GGT1: variants seen among roughly 807,000 people sequenced by gnomAD.
The protein encoded by GGT1 is glutathione hydrolase 1 proenzyme.
A neutral mutation model predicts 56.0 loss-of-function variants in GGT1; 21 were observed. That is an observed-to-expected ratio of 0.38 (90% CI 0.27 to 0.54). The LOEUF (loss-of-function observed/expected upper bound fraction) is 0.54. Among genes scored for constraint, GGT1 ranks in the 20% least tolerant of loss-of-function variants. The pLI is 0.82. For missense variants in GGT1, 466 were observed against 787.0 expected (o/e 0.59, Z 4.88); for synonymous variants, 238 against 342.6 (o/e 0.69, Z 3.37).
chr22:24,605,489 ATAT>A lies in GGT1; in HGVS notation c.-429+1966_-429+1968del, dbSNP rs1251518295. On this transcript the variant is annotated intron_variant, in intron 1 of 15. Coordinates refer to ENST00000400382, the MANE Select transcript of GGT1 (RefSeq NM_001288833.2). ...TATAATATTATATAATGTGTATTAT[ATAT>A]TATATAATATTATATAATGTGTATT... Among the ~76,000 whole-genome samples the A allele has an allele frequency of 1.6e-3, 103 of 65,836 alleles. 27 individuals are homozygous for A. The highest frequency in any genetic ancestry group is 0.011 in the African/African-American group (100 of 8,746). The allele number at this position is 65,836 out of a possible 152,430, so 43.2% of individuals were successfully genotyped here.
At chr22:24,586,291 C>T in the GGT1 span, 1 of 1,614,014 alleles carries the variant, frequency 6.2e-7, no homozygotes, top group African/African-American at 1.3e-5. Context: ...GCACCGCCAG[C>T]ACAGCACCAT....
intron 4 of GGT1, 142 bp from the exon 5 acceptor site, chr22:24,610,933 C>T (rs1180620198): frequency 4.2e-5 from 29 of 685,522 alleles, no homozygotes; most frequent in Non-Finnish European, 6.9e-5. Context: ...GGGGGCCGGA[C>T]AGCCTGCACG....
At position 24,623,327 on chromosome 22, in the gene GGT1, C is replaced by G. The variant is rs62231220; in HGVS notation, c.883+71C>G. ...CTCTCTCTCCCCACGCCCCACCCCT[C>G]CTGCATCTCTGCTCGCCCCCCATGC... On this transcript the variant is annotated intron_variant, in intron 10 of 15. Transcript: ENST00000400382. The G allele has an allele frequency of 2.1e-6, 3 of 1,429,540 alleles. No individual in the cohort carries two copies. In the African/African-American group the frequency reaches 4.4e-5, roughly 21 times the overall value. The allele number at this position is 1,429,540 out of a possible 1,614,324, so 88.6% of individuals were successfully genotyped here. A position where few individuals can be genotyped will look rare whatever the true frequency, so the allele number is the denominator to read the frequency against.
chr22:24,612,592 T>C (rs2046789811), intron 5 of GGT1, among the ~76,000 whole-genome samples: 1 of 151,970 alleles, frequency 6.6e-6, no homozygotes, highest in Non-Finnish European at 1.5e-5. Context: ...AGTGGCGCAA[T>C]CTCGGCTCGC....
the GGT1 span, chr22:24,589,027 C>G: frequency 2.9e-6 from 3 of 1,021,896 alleles, no homozygotes; most frequent in Non-Finnish European, 3.5e-6. Flanking sequence ...ACAGCAGCTG[C>G]AAGCCCTGGC....
At chr22:24,588,710 G>A in the GGT1 span, 16 of 1,078,984 alleles carry the variant, frequency 1.5e-5, no homozygotes, top group South Asian at 8.9e-5. Context: ...CAGGCCCCTC[G>A]AGGGAGCCGT....
chr22:24,593,040 GGCC>G (rs1368286268), upstream of GGT1: 1 of 1,044,880 alleles, frequency 9.6e-7, no homozygotes, highest in African/African-American at 1.7e-5. Context: ...GCGCCCCCAT[GGCC>G]GCCGCGCGAT....
intron 11 of GGT1, among the ~76,000 whole-genome samples, chr22:24,626,571 A>G (rs2047786822): frequency 2.6e-5 from 4 of 151,584 alleles, no homozygotes; most frequent in Admixed American, 2.0e-4. Flanking sequence ...GCTCCTGACC[A>G]TCCCCAAACC....
intron 1 of GGT1, among the ~76,000 whole-genome samples, chr22:24,607,038 T>C (rs2046365858): frequency 6.6e-6 from 1 of 151,846 alleles, no homozygotes; most frequent in African/African-American, 2.4e-5. Context: ...GACTTCTTGG[T>C]GGGCTGGTCA....
intron 11 of GGT1, among the ~76,000 whole-genome samples, chr22:24,626,149 C>T (rs1429826976): frequency 1.7e-4 from 25 of 147,922 alleles, no homozygotes; most frequent in African/African-American, 6.0e-4. Context: ...CCCACCACCG[C>T]GCCCAGCTAA....
upstream of GGT1, chr22:24,592,898 C>T (rs747416487): frequency 4.2e-5 from 54 of 1,281,024 alleles, no homozygotes; most frequent in South Asian, 2.1e-4. Flanking sequence ...CGGGCGCGCT[C>T]CGGCCGCCGC....
upstream of GGT1, among the ~76,000 whole-genome samples, chr22:24,600,577 A>G (rs2147198855): frequency 6.6e-6 from 1 of 152,358 alleles, no homozygotes; most frequent in South Asian, 2.1e-4. Flanking sequence ...GGAATAACAA[A>G]TGCTACAAAT....
the GGT1 span, chr22:24,589,286 G>A: frequency 8.1e-7 from 1 of 1,238,052 alleles, no homozygotes; most frequent in Admixed American, 3.1e-5. Flanking sequence ...GAGGCTGCAG[G>A]TGGCAAACTC....
intron 7 of GGT1, among the ~76,000 whole-genome samples, chr22:24,616,608 G>C (rs1333296045): frequency 2.1e-5 from 3 of 142,626 alleles, no homozygotes; most frequent in Admixed American, 7.2e-5. Context: ...GCAGTGGCAC[G>C]ATCTCGGCTC....
the GGT1 span, chr22:24,588,277 T>C: frequency 6.2e-7 from 1 of 1,613,292 alleles, no homozygotes; most frequent in Non-Finnish European, 8.5e-7. Flanking sequence ...AGGGGTGAGG[T>C]GGTAGATGAG....
At chr22:24,619,400 G>GAAAAAAAAAAAAAAAAAAAAAAAAAAA (rs372709571) in intron 7 of GGT1, among the ~76,000 whole-genome samples, 1 of 96,474 alleles carries the variant, frequency 1.0e-5, no homozygotes. Flanking sequence ...CTCCATCTCA[G>GAAAAAAAAAAAAAAAAAAAAAAAAAAA]AAAAAAAAAA....
chr22:24,587,670 G>C, the GGT1 span, among the ~76,000 whole-genome samples: 1 of 152,190 alleles, frequency 6.6e-6, no homozygotes, highest in Non-Finnish European at 1.5e-5. Flanking sequence ...GTCTGAGAGG[G>C]ACCCATGGCA....
At chr22:24,601,288 C>T (rs1307489724), upstream of GGT1, among the ~76,000 whole-genome samples, 1 of 152,254 alleles carries the variant, frequency 6.6e-6, no homozygotes, top group African/African-American at 2.4e-5. Context: ...CCAACCCCAC[C>T]CCGCCATGGC....
intron 1 of GGT1, among the ~76,000 whole-genome samples, chr22:24,595,905 A>G (rs1248065697): frequency 6.6e-6 from 1 of 152,210 alleles, no homozygotes; most frequent in Non-Finnish European, 1.5e-5. Context: ...GCTCAGGGTT[A>G]ATGTTACCTC....
Sources: gnomAD v4.1 joint callset for allele counts (sites outside exome capture counted in the v4.1 genomes callset) on GRCh38, gnomAD v4.1.1 for gene constraint, MANE v1.5 for transcripts, NCBI Gene and HGNC (gene_info 2026-07-23, HGNC 2026-07-21) for gene names.